The following SMAD2 variants were observed in gnomAD, a reference collection of about 807,000 sequenced individuals.
SMAD2 encodes SMAD family member 2.
A neutral mutation model predicts 64.4 loss-of-function variants in SMAD2; 8 were observed. The observed-to-expected ratio is 0.12, with a 90% CI of 0.07 to 0.22. The LOEUF (loss-of-function observed/expected upper bound fraction) is 0.22, where lower values mean the gene tolerates loss of function less well. Ranked by LOEUF, SMAD2 falls within the 10% of genes least tolerant of loss-of-function variation. The pLI is 1.00. For missense variants in SMAD2, 289 were observed against 561.2 expected (o/e 0.51, Z 4.90); for synonymous variants, 203 against 195.8 (o/e 1.04, Z -0.31).
chr18:47,919,668 C>T (rs535293989), intron 1 of SMAD2, among the ~76,000 whole-genome samples: 9 of 152,228 alleles, frequency 5.9e-5, no homozygotes, highest in African/African-American at 1.4e-4. Flanking sequence ...GCCAAAACAA[C>T]GGCAGCCTTC....
intron 6 of SMAD2, among the ~76,000 whole-genome samples, chr18:47,856,880 C>T (rs1473834586): frequency 1.0e-4 from 12 of 115,680 alleles, no homozygotes; most frequent in African/African-American, 2.6e-4. Context: ...TTTTTTGAGA[C>T]GGAGTCTCGC....
At chr18:47,929,486 T>C (rs1159954970) in intron 1 of SMAD2, among the ~76,000 whole-genome samples, 1 of 152,236 alleles carries the variant, frequency 6.6e-6, no homozygotes, top group Admixed American at 6.5e-5. Flanking sequence ...CACATGTCGT[T>C]TTAAAAGTTT....
chr18:47,882,683 T>C (rs552738499), intron 2 of SMAD2, among the ~76,000 whole-genome samples: 1 of 152,348 alleles, frequency 6.6e-6, no homozygotes, highest in African/African-American at 2.4e-5. Context: ...GAGTTTATTG[T>C]CTATAAGATT....
intron 8 of SMAD2, among the ~76,000 whole-genome samples, chr18:47,847,473 T>A (rs1306468237): frequency 1.3e-5 from 2 of 152,214 alleles, no homozygotes; most frequent in Non-Finnish European, 2.9e-5. Context: ...CACTTCATCG[T>A]TAAGGAAATA....
rs1374329522 is a variant in SMAD2, at chr18:47,816,337, G to T, written c.*25490C>A. On this transcript the variant is annotated 3_prime_UTR_variant, in exon 11 of 11. Transcript: ENST00000262160. ...TTAAAAAATACCAAAATATACAGTG[G>T]TCACCCTAAAACTAACATTTTTGGA... The T allele has an allele frequency of 6.6e-6, 1 of 152,070 alleles. No individual in the cohort carries two copies. The highest frequency in any genetic ancestry group is 1.5e-5 in the Non-Finnish European group (1 of 68,002). 9.4% of individuals were successfully genotyped at this position (152,070 alleles called of 1,614,324 possible).
rs370084368 is a variant in SMAD2, at chr18:47,839,535, C to A, written c.*2292G>T. On this transcript the variant is annotated 3_prime_UTR_variant, in exon 11 of 11. Transcript: ENST00000262160. ...GGCACTAAAACAGTGAGAGCTTACA[C>A]AACAAAAGCTTGTTAAATTAAGTAG... 2 of 233,220 alleles carry A rather than the reference C, an allele frequency of 8.6e-6. No individual in the cohort carries two copies. Among genetic ancestry groups the A allele is most frequent in the East Asian group, 1.2e-4 (2 of 16,664 alleles). 14.4% of individuals were successfully genotyped at this position (233,220 alleles called of 1,614,324 possible).
intron 6 of SMAD2, among the ~76,000 whole-genome samples, chr18:47,851,620 T>G (rs1175895334): frequency 6.6e-6 from 1 of 152,170 alleles, no homozygotes; most frequent in Non-Finnish European, 1.5e-5. Context: ...CAAAATACTC[T>G]ATGAACCACA....
chr18:47,900,464 AT>A (rs2033639911), intron 1 of SMAD2, among the ~76,000 whole-genome samples: 1 of 152,000 alleles, frequency 6.6e-6, no homozygotes, highest in Admixed American at 6.6e-5. Flanking sequence ...ACATTTTTCA[AT>A]TCCTATTATT....
chr18:47,930,788 C>T (rs1006682267), upstream of SMAD2: 34 of 147,174 alleles, frequency 2.3e-4, no homozygotes, highest in African/African-American at 7.3e-5. Context: ...CGCCGCGGCG[C>T]CACGCACCCA....
intron 8 of SMAD2, among the ~76,000 whole-genome samples, chr18:47,847,118 G>A (rs1467944214): frequency 6.6e-6 from 1 of 152,044 alleles, no homozygotes; most frequent in Non-Finnish European, 1.5e-5. Flanking sequence ...AGGGAGAAGA[G>A]AATAAGGCAG....
At chr18:47,910,888 T>C (rs368069070) in intron 1 of SMAD2, among the ~76,000 whole-genome samples, 6 of 152,308 alleles carry the variant, frequency 3.9e-5, no homozygotes, top group African/African-American at 1.4e-4. Flanking sequence ...TTCTTCACTG[T>C]GCAGGACAGC....
At chr18:47,903,191 G>A (rs572488524) in intron 1 of SMAD2, among the ~76,000 whole-genome samples, 1 of 152,250 alleles carries the variant, frequency 6.6e-6, no homozygotes, top group Admixed American at 6.5e-5. Flanking sequence ...GGCTGCGGTA[G>A]GACAGGAAAG....
chr18:47,821,453 C>A lies in SMAD2; in HGVS notation c.*20374G>T, dbSNP rs1034997620. 6.6e-6 allele frequency: 1 copy of A among 152,154 alleles called. No homozygotes were observed. The highest frequency in any genetic ancestry group is 2.4e-5 in the African/African-American group (1 of 41,426). The allele number at this position is 152,154 out of a possible 1,614,324, so 9.4% of individuals were successfully genotyped here. The stretch of plus-strand genomic sequence containing the variant: ...ACTTGATTCTGAATTCTTGGCTCTT[C>A]TCATGTTTGAATTGTTCCACGCAAG... On this transcript the variant is annotated 3_prime_UTR_variant, in exon 11 of 11. Coordinates refer to ENST00000262160, the MANE Select transcript of SMAD2 (RefSeq NM_005901.6).
chr18:47,905,226 G>A (rs1175154724), intron 1 of SMAD2, among the ~76,000 whole-genome samples: 1 of 152,078 alleles, frequency 6.6e-6, no homozygotes, highest in Admixed American at 6.5e-5. Context: ...TGAAACAACA[G>A]ATATTTTCTA....
intron 2 of SMAD2, among the ~76,000 whole-genome samples, chr18:47,876,821 T>A (rs540292630): frequency 6.6e-6 from 1 of 152,122 alleles, no homozygotes; most frequent in East Asian, 1.9e-4. Context: ...CCTACATATA[T>A]ACACATCTAA....
At position 47,816,126 on chromosome 18, in the gene SMAD2, C is replaced by T. The variant is rs1410855322; in HGVS notation, c.*25701G>A. The T allele has an allele frequency of 6.6e-6, 1 of 152,158 alleles. No homozygotes were observed. The highest frequency in any genetic ancestry group is 1.5e-5 in the Non-Finnish European group (1 of 68,008). The allele number at this position is 152,158 out of a possible 1,614,324, so 9.4% of individuals were successfully genotyped here. ...GAGCCCGGAGATAAGATCAGCTTCCCTTGAAAATGTTAGCTCCCATGCCAC... is the reference window on the plus strand; with the variant it reads ...GAGCCCGGAGATAAGATCAGCTTCCTTTGAAAATGTTAGCTCCCATGCCAC... On this transcript the variant is annotated 3_prime_UTR_variant, in exon 11 of 11. Coordinates refer to ENST00000262160, the MANE Select transcript of SMAD2 (RefSeq NM_005901.6).
chr18:47,888,573 C>T (rs577457737), intron 2 of SMAD2, among the ~76,000 whole-genome samples: 4 of 152,138 alleles, frequency 2.6e-5, no homozygotes, highest in Admixed American at 1.3e-4. Flanking sequence ...ATCCCTGGAG[C>T]GCTGTTTGCA....
intron 1 of SMAD2, among the ~76,000 whole-genome samples, chr18:47,919,457 CA>C (rs528384045): frequency 0.049 from 6,618 of 134,176 alleles, 203 homozygotes; most frequent in African/African-American, 0.093. Context: ...GACCTTGTCT[CA>C]AAAAAAAAAA....
At chr18:47,847,215 GGGTATCTTAAT>G (rs1914584696) in intron 8 of SMAD2, among the ~76,000 whole-genome samples, 1 of 152,108 alleles carries the variant, frequency 6.6e-6, no homozygotes, top group African/African-American at 2.4e-5. Flanking sequence ...CAGCGACACT[GGGTATCTTAAT>G]AAGATTATCC....
Sources: gnomAD v4.1 joint callset for allele counts (sites outside exome capture counted in the v4.1 genomes callset) on GRCh38, gnomAD v4.1.1 for gene constraint, MANE v1.5 for transcripts, NCBI Gene and HGNC (gene_info 2026-07-23, HGNC 2026-07-21) for gene names.